Variants in USH2A observed in about 807,000 individuals in gnomAD.
USH2A encodes Usher syndrome 2A (autosomal recessive, mild).
Under a neutral mutation model 538.9 loss-of-function variants are expected in USH2A, and 443 were observed. That is an observed-to-expected ratio of 0.82 (90% CI 0.76 to 0.89). The LOEUF (loss-of-function observed/expected upper bound fraction) is 0.89, where lower values mean the gene tolerates loss of function less well. Ranked by LOEUF, USH2A falls within the 40% of genes least tolerant of loss-of-function variation. The pLI is 0.00. For missense variants in USH2A, 6,633 were observed against 6,324.8 expected, an observed-to-expected ratio of 1.05 and a Z score of -1.65; for synonymous variants, 2,413 against 2,273.5, an observed-to-expected ratio of 1.06 and a Z score of -1.75.
intron 21 of USH2A, among the ~76,000 whole-genome samples, chr1:216,152,076 G>A (rs567464275): frequency 1.1e-4 from 16 of 151,876 alleles, no homozygotes; most frequent in South Asian, 2.1e-4. Flanking sequence ...TTCCCACGCC[G>A]CCCCTAATCG....
intron 22 of USH2A, 51 bp downstream of exon 22, chr1:216,097,032 A>G: frequency 6.6e-7 from 1 of 1,524,848 alleles, no homozygotes; most frequent in Non-Finnish European, 9.0e-7. Context: ...CCTCAGTACC[A>G]GGCACCTACT....
Position 216,250,942 on chromosome 1 carries a change from G to T in USH2A, c.2128C>A (p.Gln710Lys). ...GTVDGDITCH[Q>K]NSGQCKCKAN... Reference sequence around the variant, plus strand: ...TTGCACTTGCACTGGCCTGAATTTTGGTGACAGGTAATATCTCCATCCACT... The same window carrying T: ...TTGCACTTGCACTGGCCTGAATTTTTGTGACAGGTAATATCTCCATCCACT... Residue 710 changes from glutamine to lysine, a missense_variant, in exon 12 of 72, where the codon CAA becomes AAA. Coordinates refer to ENST00000307340, the MANE Select transcript of USH2A (RefSeq NM_206933.4). 1 of 1,613,928 alleles carries T rather than the reference G, an allele frequency of 6.2e-7. No homozygotes were observed. Among genetic ancestry groups the T allele is most frequent in the Non-Finnish European group, 8.5e-7 (1 of 1,179,964 alleles).
chr1:215,949,017 G>A (rs920229307), intron 37 of USH2A, among the ~76,000 whole-genome samples: 2 of 152,036 alleles, frequency 1.3e-5, no homozygotes, highest in Non-Finnish European at 1.5e-5. Context: ...ATGACTGAGT[G>A]GGCTGGACTC....
At chr1:216,242,635 C>T (rs2035961436) in intron 13 of USH2A, among the ~76,000 whole-genome samples, 1 of 152,002 alleles carries the variant, frequency 6.6e-6, no homozygotes, top group South Asian at 2.1e-4. Flanking sequence ...CCTTTTAAAC[C>T]ACTTACTGTT....
intron 6 of USH2A, 138 bp downstream of exon 6, chr1:216,325,167 T>A: frequency 9.8e-7 from 1 of 1,020,676 alleles, no homozygotes; most frequent in Non-Finnish European, 1.5e-6. Flanking sequence ...AATGTAGCCC[T>A]GCCAACATGT....
At chr1:215,979,062 A>T (rs1310623822) in intron 35 of USH2A, among the ~76,000 whole-genome samples, 1 of 152,182 alleles carries the variant, frequency 6.6e-6, no homozygotes, top group Non-Finnish European at 1.5e-5. Flanking sequence ...CCCCAGTTCC[A>T]CATGGCTAGG....
chr1:216,329,864 C>T lies in USH2A; in HGVS notation c.785-2210G>A, dbSNP rs1221060150. On this transcript the variant is annotated intron_variant, in intron 4 of 71. Transcript: ENST00000307340. ...GTGGAAAACTGACAGTCTTCATTTC[C>T]TATTTTTGCCAACATAATGAGATAT... Among the ~76,000 whole-genome samples, 3 of 151,956 alleles carry T rather than the reference C, an allele frequency of 2.0e-5. No homozygotes were observed. The East Asian group carries it at 5.8e-4, about 29-fold the overall frequency.
At chr1:216,163,850 T>C (rs184646331) in intron 21 of USH2A, among the ~76,000 whole-genome samples, 2 of 151,878 alleles carry the variant, frequency 1.3e-5, no homozygotes, top group Admixed American at 6.6e-5. Flanking sequence ...AAAACAAAGA[T>C]AATTTAAAAG....
chr1:216,383,192 C>T (rs545562044), intron 3 of USH2A, among the ~76,000 whole-genome samples: 2 of 152,136 alleles, frequency 1.3e-5, no homozygotes, highest in South Asian at 4.2e-4. Flanking sequence ...GTATTAAAAG[C>T]TCACAAACGA....
chr1:215,836,539 TATAATATATATATATATA>T (rs1558120229), intron 47 of USH2A, among the ~76,000 whole-genome samples: 21 of 25,982 alleles, frequency 8.1e-4, no homozygotes, highest in African/African-American at 1.7e-3. Flanking sequence ...TATATATATA[TATAATATATATATATATA>T]TATATATATT....
intron 47 of USH2A, among the ~76,000 whole-genome samples, chr1:215,835,862 A>T (rs878885801): frequency 2.0e-4 from 31 of 151,702 alleles, no homozygotes; most frequent in African/African-American, 7.3e-4. Context: ...TTGTGTTGCA[A>T]TCTCTTTTCT....
chr1:216,266,103 C>T (rs750241136), intron 11 of USH2A, among the ~76,000 whole-genome samples: 12 of 152,026 alleles, frequency 7.9e-5, no homozygotes, highest in Non-Finnish European at 1.0e-4. Flanking sequence ...AATGGATTTG[C>T]TAATTACACT....
intron 32 of USH2A, among the ~76,000 whole-genome samples, chr1:216,028,450 G>A (rs1394499604): frequency 3.3e-5 from 5 of 151,896 alleles, no homozygotes; most frequent in Non-Finnish European, 5.9e-5. Flanking sequence ...TGGAATATGT[G>A]AAAATATTTT....
intron 11 of USH2A, among the ~76,000 whole-genome samples, chr1:216,273,875 C>T (rs2036620983): frequency 6.7e-6 from 1 of 150,192 alleles, no homozygotes; most frequent in South Asian, 2.1e-4. Flanking sequence ...ACTCAATAAA[C>T]CATACATACC....
chr1:215,679,899 C>G (rs1212954211), intron 62 of USH2A, among the ~76,000 whole-genome samples: 1 of 152,164 alleles, frequency 6.6e-6, no homozygotes, highest in Admixed American at 6.5e-5. Flanking sequence ...TGGTACCCAC[C>G]TAGTAGGGTT....
intron 20 of USH2A, among the ~76,000 whole-genome samples, chr1:216,186,152 A>T (rs1322464014): frequency 6.6e-6 from 1 of 151,824 alleles, no homozygotes; most frequent in Non-Finnish European, 1.5e-5. Context: ...AAAGGATTTT[A>T]TATGGAAACA....
Position 215,844,406 on chromosome 1 carries a change from A to G in USH2A, c.9146T>C (p.Val3049Ala). The part of the protein sequence containing the change: ...IWTSPSNPNG[V>A]VTEYSIYVNN... ...TACATAGATAGAATACTCAGTGACA[A>G]CACCATTTGGGTTTGAAGGAGATGT... The change falls in exon 46 of 72, where the codon GTT becomes GCT. Residue 3049 changes from valine to alanine, a missense_variant. Coordinates refer to ENST00000307340, the MANE Select transcript of USH2A (RefSeq NM_206933.4). 1 of 1,613,720 alleles carries G rather than the reference A, an allele frequency of 6.2e-7. No individual in the cohort carries two copies. The highest frequency in any genetic ancestry group is 1.3e-5 in the African/African-American group (1 of 75,032).
At chr1:216,405,188 T>TA (rs1012638444) in intron 3 of USH2A, among the ~76,000 whole-genome samples, 4 of 151,818 alleles carry the variant, frequency 2.6e-5, no homozygotes, top group Admixed American at 6.6e-5. Flanking sequence ...CAATATAAAA[T>TA]AAAAAAAATC....
Position 216,346,615 on chromosome 1 carries a change from C to G in USH2A, c.784+18338G>C, listed in dbSNP as rs577164306. ...CTTAGAAGTTATGGAAATGCCCCCA[C>G]TCCCCACTGAGAGGTAAGACTCCCA... On this transcript the variant is annotated intron_variant, in intron 4 of 71. Transcript: ENST00000307340. Among the ~76,000 whole-genome samples, 3 of 152,026 alleles carry G rather than the reference C, an allele frequency of 2.0e-5. No individual in the cohort carries two copies. In the South Asian group the frequency reaches 6.2e-4, roughly 32 times the overall value.
Sources: allele counts gnomAD v4.1 joint callset (sites outside exome capture counted in the v4.1 genomes callset), GRCh38; gene constraint gnomAD v4.1.1; transcripts MANE v1.5; gene names NCBI Gene and HGNC (gene_info 2026-07-23, HGNC 2026-07-21).